The following MARCHF1 variants were observed in gnomAD, a reference collection of about 807,000 sequenced individuals.
MARCHF1 encodes the protein membrane associated ring-CH-type finger 1.
In MARCHF1, 40 loss-of-function variants were observed where a neutral mutation model predicts 54.2. The observed-to-expected ratio is 0.74, with a 90% CI of 0.57 to 0.96. The LOEUF (loss-of-function observed/expected upper bound fraction) is 0.96, where lower values mean the gene tolerates loss of function less well. Among genes scored for constraint, MARCHF1 ranks in the 40% least tolerant of loss-of-function variants. MARCHF1 has a pLI of 0.00. For synonymous variants in MARCHF1, 236 were observed against 236.3 expected, an observed-to-expected ratio of 1.00 and a Z score of 0.01; for missense variants, 586 against 656.5, an observed-to-expected ratio of 0.89 and a Z score of 1.17.
intron 2 of MARCHF1, among the ~76,000 whole-genome samples, chr4:164,032,745 T>C (rs1579476271): frequency 6.6e-6 from 1 of 152,134 alleles, no homozygotes; most frequent in African/African-American, 2.4e-5. Flanking sequence ...GAGTGTTTTA[T>C]TTCCAATTAT....
At chr4:164,333,899 A>C (rs1459266482) in intron 1 of MARCHF1, among the ~76,000 whole-genome samples, 4 of 152,380 alleles carry the variant, frequency 2.6e-5, no homozygotes, top group African/African-American at 9.6e-5. Flanking sequence ...AATGATAAGA[A>C]GGTAAAACAG....
intron 4 of MARCHF1, among the ~76,000 whole-genome samples, chr4:163,766,644 A>T (rs1417398941): frequency 1.3e-5 from 2 of 152,228 alleles, no homozygotes; most frequent in African/African-American, 2.4e-5. Context: ...TTCCTTACAG[A>T]TTAATAGATA....
chr4:163,763,930 A>T (rs76978228), intron 4 of MARCHF1, among the ~76,000 whole-genome samples: 2,835 of 152,180 alleles, frequency 0.019, 37 homozygotes, highest in East Asian at 0.072. Flanking sequence ...TAAAGGTGTC[A>T]GTCACAAAAC....
At chr4:163,701,138 C>G (rs1744798913) in intron 4 of MARCHF1, among the ~76,000 whole-genome samples, 1 of 152,020 alleles carries the variant, frequency 6.6e-6, no homozygotes, top group South Asian at 2.1e-4. Flanking sequence ...ATTATTTCTC[C>G]AGAAAAATTT....
At chr4:163,614,650 A>ATAG (rs1741455003) in intron 5 of MARCHF1, among the ~76,000 whole-genome samples, 1 of 152,156 alleles carries the variant, frequency 6.6e-6, no homozygotes, top group African/African-American at 2.4e-5. Context: ...AAGAGAAGGT[A>ATAG]TAGTAGGCTA....
At chr4:163,989,850 G>T (rs1410867148) in intron 2 of MARCHF1, among the ~76,000 whole-genome samples, 1 of 151,792 alleles carries the variant, frequency 6.6e-6, no homozygotes, top group Non-Finnish European at 1.5e-5. Flanking sequence ...ACTGTTTTTT[G>T]TGTTTGTTCA....
chr4:164,220,608 A>G (rs1732074111), intron 1 of MARCHF1, among the ~76,000 whole-genome samples: 1 of 145,890 alleles, frequency 6.9e-6, no homozygotes, highest in East Asian at 2.0e-4. Context: ...TGTAATATAT[A>G]TGCTATATAT....
chr4:164,275,466 G>T (rs1407951752), intron 1 of MARCHF1, among the ~76,000 whole-genome samples: 1 of 152,254 alleles, frequency 6.6e-6, no homozygotes, highest in East Asian at 1.9e-4. Context: ...GTGGGGGAAA[G>T]GTTAAAAACC....
At chr4:163,635,387 T>G (rs1475245595) in intron 5 of MARCHF1, among the ~76,000 whole-genome samples, 1 of 151,160 alleles carries the variant, frequency 6.6e-6, no homozygotes, top group African/African-American at 2.4e-5. Flanking sequence ...ATCAAATAGA[T>G]GCAATAAAAA....
intron 4 of MARCHF1, among the ~76,000 whole-genome samples, chr4:163,814,613 T>C (rs891951174): frequency 6.6e-6 from 1 of 152,142 alleles, no homozygotes; most frequent in African/African-American, 2.4e-5. Context: ...AATTGTTTGC[T>C]GTGGTAACAT....
chr4:163,914,374 G>T (rs1203811490), intron 3 of MARCHF1, among the ~76,000 whole-genome samples: 2 of 152,078 alleles, frequency 1.3e-5, no homozygotes, highest in Non-Finnish European at 2.9e-5. Flanking sequence ...GCTTCATTTA[G>T]AGGCAAATTT....
chr4:164,164,225 A>G (rs1282958440), intron 1 of MARCHF1, among the ~76,000 whole-genome samples: 2 of 151,966 alleles, frequency 1.3e-5, no homozygotes, highest in Non-Finnish European at 2.9e-5. Flanking sequence ...AAAAGTAATA[A>G]TAAATATTAG....
intron 1 of MARCHF1, among the ~76,000 whole-genome samples, chr4:164,290,318 A>C (rs1167624206): frequency 6.6e-6 from 1 of 151,990 alleles, no homozygotes; most frequent in African/African-American, 2.4e-5. Flanking sequence ...TTAGTTAATT[A>C]TAACATTATT....
At chr4:163,536,826 A>G (rs1323570482) in intron 9 of MARCHF1, among the ~76,000 whole-genome samples, 2 of 151,918 alleles carry the variant, frequency 1.3e-5, no homozygotes, top group Admixed American at 1.3e-4. Flanking sequence ...ACTTTCCTTC[A>G]CAAGGTATCT....
intron 4 of MARCHF1, among the ~76,000 whole-genome samples, chr4:163,849,763 AT>A (rs958931738): frequency 6.6e-6 from 1 of 151,892 alleles, no homozygotes; most frequent in African/African-American, 2.4e-5. Context: ...AGAACTCTGC[AT>A]TTTTTTTGTT....
chr4:164,312,232 T>C (rs1734869143), intron 1 of MARCHF1, among the ~76,000 whole-genome samples: 1 of 152,120 alleles, frequency 6.6e-6, no homozygotes, highest in Admixed American at 6.6e-5. Context: ...TAGGTCACAT[T>C]TGGGATGTTT....
At chr4:164,165,094 T>C (rs1449862165) in intron 1 of MARCHF1, among the ~76,000 whole-genome samples, 4 of 151,990 alleles carry the variant, frequency 2.6e-5, no homozygotes, top group African/African-American at 4.8e-5. Context: ...GATAGCCCAA[T>C]GGTTCTGTGA....
At chr4:163,994,266 G>A (rs1333645944) in intron 2 of MARCHF1, among the ~76,000 whole-genome samples, 1 of 129,792 alleles carries the variant, frequency 7.7e-6, no homozygotes, top group East Asian at 3.2e-4. Flanking sequence ...AAGTGTGTGT[G>A]TGTGTGTGTG....
At chr4:163,932,068 T>C (rs1470636783) in intron 3 of MARCHF1, among the ~76,000 whole-genome samples, 2 of 151,846 alleles carry the variant, frequency 1.3e-5, no homozygotes, top group South Asian at 2.1e-4. Context: ...AGGCATTATA[T>C]CAACAAAACA....
Sources: allele counts gnomAD v4.1 joint callset (sites outside exome capture counted in the v4.1 genomes callset), GRCh38; gene constraint gnomAD v4.1.1; transcripts MANE v1.5; gene names NCBI Gene and HGNC (gene_info 2026-07-23, HGNC 2026-07-21).